Variants in HCFC1 observed in about 807,000 individuals in gnomAD.
The protein encoded by HCFC1 is host cell factor 1.
Under a neutral mutation model 105.5 loss-of-function variants are expected in HCFC1, and 7 were observed. That is an observed-to-expected ratio of 0.07 (90% CI 0.04 to 0.12). The LOEUF is 0.12. Among genes scored for constraint, HCFC1 ranks in the 10% least tolerant of loss-of-function variants. HCFC1 has a pLI of 1.00. For missense variants in HCFC1, 1,065 were observed against 1,823.6 expected, an observed-to-expected ratio of 0.58 and a Z score of 7.58; for synonymous variants, 918 against 828.1, an observed-to-expected ratio of 1.11 and a Z score of -1.86.
intron 15 of HCFC1, 59 bp downstream of exon 15, chrX:153,956,566 G>A (rs2065379073): frequency 1.6e-5 from 19 of 1,191,264 alleles, no homozygotes; most frequent in Middle Eastern, 2.3e-4. Flanking sequence ...GGGATTGAAG[G>A]CCAGCCCTGC....
At chrX:153,967,027 G>C (rs1355190309) in intron 1 of HCFC1, among the ~76,000 whole-genome samples, 1 of 112,193 alleles carries the variant, frequency 8.9e-6, no homozygotes, top group Non-Finnish European at 1.9e-5. Flanking sequence ...AGGCAGGGCA[G>C]GGGCCCTCCC....
intron 17 of HCFC1, 45 bp from the exon 18 acceptor site, chrX:153,953,815 G>C (rs782664455): frequency 2.6e-6 from 3 of 1,150,068 alleles, no homozygotes; most frequent in Admixed American, 4.9e-5. Context: ...GAGCCCCCCC[G>C]GCCTGTACTT....
At chrX:153,967,565 G>A (rs782457414) in intron 1 of HCFC1, among the ~76,000 whole-genome samples, 7 of 112,033 alleles carry the variant, frequency 6.2e-5, no homozygotes, top group Non-Finnish European at 1.3e-4. Flanking sequence ...AGAGGACACC[G>A]ATCTTGTGCT....
intron 3 of HCFC1, 152 bp from the exon 4 acceptor site, chrX:153,963,585 G>A (rs1346750529): frequency 2.2e-6 from 1 of 457,461 alleles, no homozygotes; most frequent in African/African-American, 2.4e-5. Context: ...TTGAGGAAGG[G>A]GCTGCCAGAA....
At position 153,952,924 on chromosome X, in the gene HCFC1, C is replaced by G. The variant is rs978039312; in HGVS notation, c.4532G>C (p.Arg1511Pro). 8.5e-7 allele frequency: 1 copy of G among 1,177,872 alleles called. No individual in the cohort carries two copies. Among genetic ancestry groups the G allele is most frequent in the Non-Finnish European group, 1.1e-6 (1 of 879,297 alleles). ...AAGCTGCCGTGGCGGCAGCTGCTGG[C>G]GAGGACCTGGCGACACCTGGAGTTC... ...PEELQVSPGP[R>P]QQLPPRQLLQ... The change falls in exon 19 of 26, where the codon CGC (arginine) becomes CCC (proline). Residue 1511 changes from arginine to proline, a missense_variant. Arg to Pro is a moderately radical substitution (Grantham distance 103). Coordinates refer to ENST00000310441, the MANE Select transcript of HCFC1 (RefSeq NM_005334.3).
In HCFC1 at chrX:153,954,319, G is replaced by A. The variant is rs1462686253; in HGVS notation, c.4080C>T (p.His1360=). ...QPPAGRPCET[H]QTTSTGTTMS... ...TGGTGGTGCCAGTGGAAGTGGTCTGGTGTGTCTCACAGGGGCGACCAGCAG... is the reference window on the plus strand; with the variant it reads ...TGGTGGTGCCAGTGGAAGTGGTCTGATGTGTCTCACAGGGGCGACCAGCAG... Residue 1360 remains histidine (H), a synonymous_variant, in exon 17 of 26, where the codon CAC becomes CAT. Transcript: ENST00000310441. 1 of 1,199,137 alleles carries A rather than the reference G, an allele frequency of 8.3e-7. No individual in the cohort carries two copies.
chrX:153,954,631 A>G lies in HCFC1; in HGVS notation c.3768T>C (p.Pro1256=). The change falls in exon 17 of 26, where the codon CCT becomes CCC. Residue 1256 remains proline (P), a synonymous_variant. Coordinates refer to ENST00000310441, the MANE Select transcript of HCFC1 (RefSeq NM_005334.3). ...SVGAGEPRMA[P]VCESLQGGSP... ...AGCCACCCTGGAGGCTCTCGCACAC[A>G]GGTGCCATGCGGGGCTCCCCAGCAC... is the stretch of plus-strand genomic sequence containing the variant. 8.3e-7 allele frequency: 1 copy of G among 1,207,187 alleles called. No individual in the cohort carries two copies. The highest frequency in any genetic ancestry group is 1.1e-6 in the Non-Finnish European group (1 of 892,916).
intron 9 of HCFC1, among the ~76,000 whole-genome samples, 153 bp downstream of exon 9, chrX:153,959,178 G>A (rs1317287135): frequency 5.3e-5 from 6 of 112,939 alleles, no homozygotes; most frequent in Non-Finnish European, 9.4e-5. Context: ...CCATGACCTC[G>A]CAGGAGCGTT....
chrX:153,959,236 C>T (rs2065406092), intron 9 of HCFC1, 95 bp downstream of exon 9: 3 of 945,470 alleles, frequency 3.2e-6, no homozygotes, highest in Non-Finnish European at 4.4e-6. Context: ...TGCGTGGTAC[C>T]AGAGCCCGAG....
At position 153,957,649 on chromosome X, in the gene HCFC1, G is replaced by A. The variant is rs373884947; in HGVS notation, c.2134-116C>T. 3.8e-4 allele frequency: 292 copies of A among 761,269 alleles called. 1 individual carries two copies. The African/African-American group carries it at 5.1e-3, about 13-fold the overall frequency. The allele number at this position is 761,269 out of a possible 1,213,427, so 62.7% of individuals were successfully genotyped here. On this transcript the variant is annotated intron_variant, in intron 12 of 25. Transcript: ENST00000310441. ...AGGGAATGTTCTGGAGGCTGTGGGC[G>A]AGGGGAGTGAGCAGCAGAACTTGCT...
chrX:153,953,468 G>A (rs2065335182), intron 18 of HCFC1, 139 bp downstream of exon 18: 1 of 580,967 alleles, frequency 1.7e-6, no homozygotes, highest in South Asian at 3.1e-5. Flanking sequence ...CAGGCACCGA[G>A]GCTGCCCTTT....
chrX:153,953,479 T>C (rs1557113235), intron 18 of HCFC1, 128 bp downstream of exon 18: 7 of 675,000 alleles, frequency 1.0e-5, no homozygotes, highest in East Asian at 3.3e-5. Context: ...GCTGCCCTTT[T>C]ATGGTCCGGA....
rs782709469 is a variant in HCFC1 at position 153,957,606 on chromosome X, C to T, written c.2134-73G>A. ...GAAGTGTGGTCTGGCTACTCTCCGCCGGCAGCCTTGGCGGCTCAGGGAATG... is the reference window on the plus strand; with the variant it reads ...GAAGTGTGGTCTGGCTACTCTCCGCTGGCAGCCTTGGCGGCTCAGGGAATG... On this transcript the variant is annotated intron_variant, in intron 12 of 25. Coordinates refer to ENST00000310441, the MANE Select transcript of HCFC1 (RefSeq NM_005334.3). 4.3e-5 allele frequency: 40 copies of T among 937,576 alleles called. No homozygotes were observed. In the African/African-American group the frequency reaches 5.6e-4, roughly 13 times the overall value. The allele number at this position is 937,576 out of a possible 1,213,427, so 77.3% of individuals were successfully genotyped here.
chrX:153,951,734 A>G, intron 20 of HCFC1, 27 bp from the exon 21 acceptor site: 1 of 1,188,056 alleles, frequency 8.4e-7, no homozygotes, highest in African/African-American at 1.7e-5. Flanking sequence ...TGTCAGCGGG[A>G]AAGACTCGGG....
chrX:153,957,093 G>C (rs1569546807), intron 13 of HCFC1, 33 bp from the exon 14 acceptor site: 1 of 1,191,206 alleles, frequency 8.4e-7, no homozygotes, highest in Admixed American at 2.2e-5. Flanking sequence ...GGGGAGACAG[G>C]CTCTGTGAGG....
At position 153,957,398 on chromosome X, in the gene HCFC1, A is replaced by G; in HGVS notation, c.2269T>C (p.Ser757Pro). 8.3e-7 allele frequency: 1 copy of G among 1,208,422 alleles called. No individual in the cohort carries two copies. The highest frequency in any genetic ancestry group is 1.1e-6 in the Non-Finnish European group (1 of 893,672). Residue 757 changes from serine to proline, a missense_variant, in exon 13 of 26, where the codon TCC becomes CCC. Coordinates refer to ENST00000310441, the MANE Select transcript of HCFC1 (RefSeq NM_005334.3). ...GTGCCGGGCTTGGTGGTACTGGGGGAGACGCTGCTGATGCCCAGGATGGTG... is the reference window on the plus strand; with the variant it reads ...GTGCCGGGCTTGGTGGTACTGGGGGGGACGCTGCTGATGCCCAGGATGGTG... ...KPTILGISSVSPSTTKPGTTT... is the reference protein window; with the variant it reads ...KPTILGISSVPPSTTKPGTTT...
At chrX:153,955,844 G>A (rs1264624894) in intron 16 of HCFC1, among the ~76,000 whole-genome samples, 3 of 112,969 alleles carry the variant, frequency 2.7e-5, no homozygotes, top group Non-Finnish European at 5.6e-5. Flanking sequence ...CCCCCTCAAT[G>A]CTCAAAGGCC....
intron 13 of HCFC1, 54 bp from the exon 14 acceptor site, chrX:153,957,114 C>A: frequency 2.6e-6 from 3 of 1,156,980 alleles, no homozygotes; most frequent in Non-Finnish European, 3.5e-6. Flanking sequence ...GCTGCCCCTG[C>A]TGCCCCTAGA....
At position 153,950,538 on chromosome X, in the gene HCFC1, C is replaced by T. The variant is rs1557112185; in HGVS notation, c.5709G>A (p.Pro1903=). 1.1e-5 allele frequency: 13 copies of T among 1,157,287 alleles called. No homozygotes were observed. Among genetic ancestry groups the T allele is most frequent in the Admixed American group, 5.2e-5 (2 of 38,710 alleles). ...GCTCCCAGGTGAGGTGAGCACCATC[C>T]GGACTCTAGAAGCCAGGGGGTCAGA... The part of the protein sequence containing the change: ...APCAIKISKS[P]DGAHLTWEPP... Residue 1903 remains proline, a synonymous_variant, in exon 24 of 26, where the codon CCG becomes CCA. Coordinates refer to ENST00000310441, the MANE Select transcript of HCFC1 (RefSeq NM_005334.3).
Sources: allele counts gnomAD v4.1 joint callset (sites outside exome capture counted in the v4.1 genomes callset), GRCh38; gene constraint gnomAD v4.1.1; transcripts MANE v1.5; gene names NCBI Gene and HGNC (gene_info 2026-07-23, HGNC 2026-07-21).